PTGER3: variants seen among roughly 807,000 people sequenced by gnomAD.
The protein encoded by PTGER3 is prostaglandin E2 receptor EP3 subtype.
In PTGER3, 22 loss-of-function variants were observed where a neutral mutation model predicts 34.7. The observed-to-expected ratio is 0.63, with a 90% CI of 0.45 to 0.91. The LOEUF (loss-of-function observed/expected upper bound fraction) is 0.91. PTGER3 is among the 40% of genes least tolerant of loss of function. PTGER3 has a pLI of 0.00. For synonymous variants in PTGER3, 241 were observed against 230.1 expected (o/e 1.05, Z -0.43); for missense variants, 468 against 519.4 (o/e 0.90, Z 0.96).
chr1:71,003,422 A>AT (rs1483652360), intron 2 of PTGER3, among the ~76,000 whole-genome samples: 4 of 152,278 alleles, frequency 2.6e-5, no homozygotes, highest in South Asian at 2.1e-4. Flanking sequence ...ATTTTTATTG[A>AT]TTTTTTAAAT....
At chr1:70,879,759 C>T (rs1462787127) in intron 4 of PTGER3, among the ~76,000 whole-genome samples, 1 of 152,070 alleles carries the variant, frequency 6.6e-6, no homozygotes, top group East Asian at 1.9e-4. Flanking sequence ...TCACTCTGTG[C>T]CTTTTAATTG....
intron 4 of PTGER3, among the ~76,000 whole-genome samples, chr1:70,925,459 T>C (rs1447504766): frequency 6.6e-6 from 1 of 152,216 alleles, no homozygotes; most frequent in African/African-American, 2.4e-5. Context: ...TGTAACAAGA[T>C]GATATACAAT....
intron 4 of PTGER3, among the ~76,000 whole-genome samples, chr1:70,893,915 TA>T (rs1457059336): frequency 6.6e-6 from 1 of 151,996 alleles, no homozygotes; most frequent in South Asian, 2.1e-4. Flanking sequence ...AAAAATAAAA[TA>T]AAAAATTTAA....
intron 4 of PTGER3, among the ~76,000 whole-genome samples, chr1:70,947,064 A>G (rs1650290276): frequency 1.3e-5 from 2 of 152,160 alleles, no homozygotes; most frequent in African/African-American, 4.8e-5. Context: ...GGGGAAGTCA[A>G]TGATCTGCTC....
chr1:70,933,420 T>C (rs1306380799), intron 4 of PTGER3, among the ~76,000 whole-genome samples: 1 of 152,214 alleles, frequency 6.6e-6, no homozygotes, highest in Non-Finnish European at 1.5e-5. Flanking sequence ...ATCTTTTCCC[T>C]CAAAGTCACT....
chr1:71,046,891 GAAAAGGTT>G lies in PTGER3; in HGVS notation c.679_686del (p.Asn227LeufsTer25). On this transcript the variant is annotated frameshift_variant, in exon 1 of 4. Transcript: ENST00000306666. LOFTEE classifies it high-confidence loss of function. ...CCAGGAAGGCAAAGGCAGAGGCGAA[GAAAAGGTT>G]GCCCCAGTTATGCGAAGAGCTAGTC... 1 of 1,613,172 alleles carries G rather than the reference GAAAAGGTT, an allele frequency of 6.2e-7. No individual in the cohort carries two copies. Among genetic ancestry groups the G allele is most frequent in the Non-Finnish European group, 8.5e-7 (1 of 1,179,640 alleles).
intron 4 of PTGER3, among the ~76,000 whole-genome samples, chr1:70,908,877 A>G (rs562934991): frequency 6.6e-6 from 1 of 152,188 alleles, no homozygotes; most frequent in Non-Finnish European, 1.5e-5. Context: ...AGAAAGCCCT[A>G]TGCAATTACA....
chr1:71,026,226 G>C (rs999770498), intron 1 of PTGER3, among the ~76,000 whole-genome samples: 2 of 152,158 alleles, frequency 1.3e-5, no homozygotes, highest in Non-Finnish European at 1.5e-5. Flanking sequence ...CCTGTTGACT[G>C]TAAATAGGAA....
chr1:70,980,102 G>A (rs1263442229), intron 2 of PTGER3, among the ~76,000 whole-genome samples: 1 of 152,086 alleles, frequency 6.6e-6, no homozygotes, highest in African/African-American at 2.4e-5. Flanking sequence ...TGGAAGGGAG[G>A]CGGGGAAGTC....
intron 4 of PTGER3, among the ~76,000 whole-genome samples, chr1:70,895,691 T>A (rs1382143974): frequency 3.3e-5 from 5 of 152,196 alleles, no homozygotes; most frequent in Non-Finnish European, 7.3e-5. Context: ...CTGAAGAAAT[T>A]TCAGAGAACA....
At chr1:71,036,794 G>A (rs902717699) in intron 1 of PTGER3, among the ~76,000 whole-genome samples, 28 of 150,526 alleles carry the variant, frequency 1.9e-4, no homozygotes, top group Admixed American at 7.9e-4. Flanking sequence ...AGCCGAGATC[G>A]TGCTACTGTA....
chr1:70,970,801 G>A lies in PTGER3; in HGVS notation c.*929C>T, dbSNP rs1162060846. 4.8e-6 allele frequency: 4 copies of A among 834,812 alleles called. No individual in the cohort carries two copies. The highest frequency in any genetic ancestry group is 5.8e-6 in the Non-Finnish European group (4 of 693,010). 51.7% of individuals were successfully genotyped at this position (834,812 alleles called of 1,614,324 possible). On this transcript the variant is annotated 3_prime_UTR_variant, in exon 4 of 4. Transcript: ENST00000306666. ...AGTATATCTTTTAGAAGTCCACAAA[G>A]TTTTTTATTTTAATACAGACAAAAT... is the stretch of plus-strand genomic sequence containing the variant.
At chr1:70,964,725 A>T (rs1351066842) in intron 2 of PTGER3, among the ~76,000 whole-genome samples, 1 of 152,222 alleles carries the variant, frequency 6.6e-6, no homozygotes, top group Non-Finnish European at 1.5e-5. Flanking sequence ...AAATGTGACT[A>T]ACTATTGGTT....
intron 2 of PTGER3, chr1:71,006,243 C>G (rs1258763002): frequency 1.0e-6 from 1 of 985,240 alleles, no homozygotes; most frequent in Non-Finnish European, 1.2e-6. Context: ...TGGGAGGAAC[C>G]AGGGACAGAA....
intron 4 of PTGER3, among the ~76,000 whole-genome samples, chr1:70,922,712 A>G (rs958681161): frequency 6.6e-6 from 1 of 152,258 alleles, no homozygotes; most frequent in African/African-American, 2.4e-5. Context: ...CAAGGGATGT[A>G]AAGAAAGTAA....
chr1:70,868,898 G>T (rs572342191), intron 4 of PTGER3, among the ~76,000 whole-genome samples: 1 of 152,258 alleles, frequency 6.6e-6, no homozygotes, highest in South Asian at 2.1e-4. Flanking sequence ...AGATTGGGTG[G>T]TAGACAAGAA....
At chr1:70,978,161 G>A (rs563294489) in intron 2 of PTGER3, among the ~76,000 whole-genome samples, 1 of 152,110 alleles carries the variant, frequency 6.6e-6, no homozygotes, top group East Asian at 1.9e-4. Context: ...ACACTCTACT[G>A]CCTCGCTCCC....
At chr1:70,976,098 T>C (rs886760830) in intron 2 of PTGER3, among the ~76,000 whole-genome samples, 1 of 147,632 alleles carries the variant, frequency 6.8e-6, no homozygotes, top group Admixed American at 7.0e-5. Flanking sequence ...ACCTGTACAA[T>C]GTCAAATAGC....
chr1:71,016,826 AT>A (rs1657949814), intron 1 of PTGER3, among the ~76,000 whole-genome samples: 1 of 152,094 alleles, frequency 6.6e-6, no homozygotes, highest in Non-Finnish European at 1.5e-5. Flanking sequence ...TTGTATGTAT[AT>A]AAAAACATTT....
Sources: allele counts gnomAD v4.1 joint callset (sites outside exome capture counted in the v4.1 genomes callset), GRCh38; gene constraint gnomAD v4.1.1; transcripts MANE v1.5; gene names NCBI Gene and HGNC (gene_info 2026-07-23, HGNC 2026-07-21).